Variants in LMO7 observed in about 807,000 individuals in gnomAD.
LMO7 encodes the protein LIM domain 7, also known as LIM domain only protein 7.
LMO7 carries 120 observed loss-of-function variants against 206.5 expected under a neutral mutation model. That is an observed-to-expected ratio of 0.58 (90% confidence interval 0.50 to 0.68). The LOEUF is 0.68. LMO7 is among the 30% of genes least tolerant of loss of function. The pLI is 0.00. For synonymous variants in LMO7, 706 were observed against 681.5 expected (o/e 1.04, Z -0.56); for missense variants, 1,959 against 1,957.9 (o/e 1.00, Z -0.01).
At chr13:75,724,225 C>G (rs78030237) in intron 2 of LMO7, among the ~76,000 whole-genome samples, 1,735 of 152,280 alleles carry the variant, frequency 0.011, 25 homozygotes, top group African/African-American at 0.04. Flanking sequence ...GACTTGGGAA[C>G]TGTCAGATTA....
Position 75,711,506 on chromosome 13 carries a change from T to A in LMO7, c.70-1676T>A. ...GTTATTGGTCTATTCAGAGACTCAA[T>A]GCCGTCTGTCACCCCTGTCTTTGAC... is the stretch of plus-strand genomic sequence containing the variant. On this transcript the variant is annotated intron_variant, in intron 1 of 30. Coordinates refer to ENST00000377534, the MANE Select transcript of LMO7 (RefSeq NM_001306080.2). Among the ~76,000 whole-genome samples, 2 of 152,134 alleles carry A rather than the reference T, an allele frequency of 1.3e-5. 1 individual carries two copies. The highest frequency in any genetic ancestry group is 3.9e-4 in the East Asian group (2 of 5,178).
At chr13:75,798,321 G>C (rs1157720862) in intron 6 of LMO7, among the ~76,000 whole-genome samples, 1 of 152,206 alleles carries the variant, frequency 6.6e-6, no homozygotes, top group East Asian at 1.9e-4. Flanking sequence ...GGTGAGCCAA[G>C]CCTGGGCAAC....
Position 75,807,893 on chromosome 13 carries a change from G to C in LMO7, c.1610G>C (p.Arg537Thr), listed in dbSNP as rs142687160. 6.2e-7 allele frequency: 1 copy of C among 1,613,838 alleles called. No homozygotes were observed. The highest frequency in any genetic ancestry group is 1.6e-4 in the Middle Eastern group (1 of 6,084). ...KEVPLSGAPD[R>T]YHPVPFPEPW... ...GTGCCGCTGTCTGGGGCCCCAGATA[G>C]ATACCACCCAGTCCCTTTTCCCGAA... Residue 537 changes from arginine (R) to threonine (T), a missense_variant, in exon 10 of 31, where the codon AGA (arginine) becomes ACA (threonine). By Grantham distance (71) the Arg-to-Thr change is moderately conservative (BLOSUM62 -1). Coordinates refer to ENST00000377534, the MANE Select transcript of LMO7 (RefSeq NM_001306080.2).
Position 75,800,832 on chromosome 13 carries a change from G to A in LMO7, c.611G>A (p.Arg204Lys). The change falls in exon 7 of 31, where the codon AGG (arginine) becomes AAG (lysine). Residue 204 changes from arginine to lysine, a missense_variant. Physicochemically the swap from Arg to Lys is conservative, Grantham distance 26. Coordinates refer to ENST00000377534, the MANE Select transcript of LMO7 (RefSeq NM_001306080.2). ...SFESLDSLGS[R>K]SLTSCSSDIT... The stretch of plus-strand genomic sequence containing the variant: ...GAAAGCTTGGACTCTTTGGGCTCGA[G>A]GTCATTGACAAGCTGCTCCTCTGAT... The A allele has an allele frequency of 6.2e-7, 1 of 1,614,036 alleles. No homozygotes were observed. The highest frequency in any genetic ancestry group is 8.5e-7 in the Non-Finnish European group (1 of 1,179,966).
intron 6 of LMO7, among the ~76,000 whole-genome samples, chr13:75,798,046 G>A (rs1466626102): frequency 6.6e-6 from 1 of 152,124 alleles, no homozygotes; most frequent in African/African-American, 2.4e-5. Flanking sequence ...TTGATTTACA[G>A]TTATTTCAGC....
chr13:75,691,076 A>T (rs2041434880), intron 1 of LMO7, among the ~76,000 whole-genome samples: 1 of 152,174 alleles, frequency 6.6e-6, no homozygotes, highest in Non-Finnish European at 1.5e-5. Context: ...AAAACTGGAG[A>T]TTTAATTTTA....
chr13:75,650,887 A>G (rs936473240), intron 1 of LMO7, among the ~76,000 whole-genome samples: 4 of 152,138 alleles, frequency 2.6e-5, no homozygotes, highest in African/African-American at 7.2e-5. Flanking sequence ...GGAGGAGTCA[A>G]CTTTAAGATC....
intron 22 of LMO7, 125 bp from the exon 23 acceptor site, chr13:75,840,983 GA>G: frequency 1.6e-6 from 1 of 642,382 alleles, no homozygotes; most frequent in South Asian, 2.2e-5. Flanking sequence ...ATTGGCTTAT[GA>G]AAATAAATCA....
Position 75,808,162 on chromosome 13 carries a change from A to G in LMO7, c.1879A>G (p.Ser627Gly), listed in dbSNP as rs1441163703. 15 of 1,613,650 alleles carry G rather than the reference A, an allele frequency of 9.3e-6. No homozygotes were observed. In the African/African-American group the frequency reaches 1.9e-4, roughly 20 times the overall value. ...LKRWEAIREASRLRHKKRLMV... is the reference protein window; with the variant it reads ...LKRWEAIREAGRLRHKKRLMV... ...GAGATGGGAGGCCATCCGGGAGGCCAGCAGACTTAGGCACAAGAAAAGGCT... is the reference window on the plus strand; with the variant it reads ...GAGATGGGAGGCCATCCGGGAGGCCGGCAGACTTAGGCACAAGAAAAGGCT... Residue 627 changes from serine (S) to glycine (G), a missense_variant, in exon 10 of 31, where the codon AGC (serine) becomes GGC (glycine). Transcript: ENST00000377534.
At chr13:75,784,269 A>T (rs2052039870) in intron 4 of LMO7, among the ~76,000 whole-genome samples, 1 of 152,210 alleles carries the variant, frequency 6.6e-6, no homozygotes, top group South Asian at 2.1e-4. Context: ...CCTTTGGCAT[A>T]AATCAAATTG....
intron 4 of LMO7, among the ~76,000 whole-genome samples, chr13:75,788,363 A>T (rs2052747992): frequency 6.6e-6 from 1 of 150,546 alleles, no homozygotes; most frequent in African/African-American, 2.4e-5. Context: ...CTGAGGCAGG[A>T]GAATCACTTG....
At chr13:75,851,979 G>A (rs1380086745) in intron 27 of LMO7, among the ~76,000 whole-genome samples, 12 of 152,024 alleles carry the variant, frequency 7.9e-5, no homozygotes, top group African/African-American at 2.9e-4. Context: ...AAATCTTAGT[G>A]TTATGAAGAT....
At chr13:75,651,762 T>C (rs2037592574) in intron 1 of LMO7, among the ~76,000 whole-genome samples, 1 of 152,224 alleles carries the variant, frequency 6.6e-6, no homozygotes, top group East Asian at 1.9e-4. Flanking sequence ...CCTCCACATT[T>C]GACCTTGTCT....
chr13:75,844,177 A>T (rs2059782675), intron 25 of LMO7, among the ~76,000 whole-genome samples: 2 of 152,290 alleles, frequency 1.3e-5, no homozygotes, highest in South Asian at 4.1e-4. Context: ...AGCATGCCCT[A>T]GAGGCATCAA....
intron 2 of LMO7, among the ~76,000 whole-genome samples, chr13:75,721,379 C>T (rs892527381): frequency 2.0e-5 from 3 of 152,064 alleles, no homozygotes; most frequent in Non-Finnish European, 4.4e-5. Flanking sequence ...AAGTGCTAGG[C>T]GATGCTGTTT....
upstream of LMO7, among the ~76,000 whole-genome samples, chr13:75,632,862 G>GTTTTTTTTTGTTTGTTTTTTTTTT (rs2035134633): frequency 9.8e-6 from 1 of 102,138 alleles, no homozygotes; most frequent in African/African-American, 4.0e-5. Flanking sequence ...TTACTTAAAA[G>GTTTTTTTTTGTTTGTTTTTTTTTT]TTTTTTTTTT....
At chr13:75,778,142 G>A (rs997474954) in intron 4 of LMO7, among the ~76,000 whole-genome samples, 1 of 152,174 alleles carries the variant, frequency 6.6e-6, no homozygotes, top group Non-Finnish European at 1.5e-5. Context: ...GTCTGTGGTT[G>A]ACTTTTCAGA....
chr13:75,711,753 A>C (rs2043146070), intron 1 of LMO7, among the ~76,000 whole-genome samples: 1 of 152,046 alleles, frequency 6.6e-6, no homozygotes, highest in Non-Finnish European at 1.5e-5. Context: ...TCTTGGCTCC[A>C]CCCCCTACAT....
At position 75,859,320 on chromosome 13, in the gene LMO7, C is replaced by T. The variant is rs1313242240; in HGVS notation, c.*1377C>T. ...TCCTTGAGGATAACTTGTCAAATGC[C>T]CCAAAGCATAAAGAATATAATTCTG... On this transcript the variant is annotated 3_prime_UTR_variant, in exon 31 of 31. Coordinates refer to ENST00000377534, the MANE Select transcript of LMO7 (RefSeq NM_001306080.2). 1.3e-5 allele frequency: 2 copies of T among 151,848 alleles called. No individual in the cohort carries two copies. The highest frequency in any genetic ancestry group is 2.9e-5 in the Non-Finnish European group (2 of 67,974). The allele number at this position is 151,848 out of a possible 1,614,324, so 9.4% of individuals were successfully genotyped here.
Sources: gnomAD v4.1 joint callset for allele counts (sites outside exome capture counted in the v4.1 genomes callset) on GRCh38, gnomAD v4.1.1 for gene constraint, MANE v1.5 for transcripts, NCBI Gene and HGNC (gene_info 2026-07-23, HGNC 2026-07-21) for gene names.